RSBN1: variants seen among roughly 807,000 people sequenced by gnomAD.
The protein encoded by RSBN1 is lysine-specific demethylase 9.
Under a neutral mutation model 74.8 loss-of-function variants are expected in RSBN1, and 23 were observed. The ratio of observed to expected loss-of-function variants is 0.31; its 90% CI spans 0.22 to 0.44. The LOEUF is 0.44. Ranked by LOEUF, RSBN1 falls within the 20% of genes least tolerant of loss-of-function variation. RSBN1 has a pLI of 1.00. For synonymous variants in RSBN1, 407 were observed against 379.6 expected, an observed-to-expected ratio of 1.07 and a Z score of -0.84; for missense variants, 808 against 1,020.9, an observed-to-expected ratio of 0.79 and a Z score of 2.84.
At chr1:113,793,339 C>G (rs1314740415) in intron 2 of RSBN1, among the ~76,000 whole-genome samples, 1 of 152,206 alleles carries the variant, frequency 6.6e-6, no homozygotes, top group East Asian at 1.9e-4. Context: ...TAATCTTGAT[C>G]ATGTCTCCAA....
In RSBN1 at chr1:113,766,448, T is replaced by C. The variant is rs1659782755; in HGVS notation, c.1941A>G (p.Val647=). The C allele has an allele frequency of 1.3e-6, 2 of 1,595,518 alleles. No homozygotes were observed. Among genetic ancestry groups the C allele is most frequent in the Non-Finnish European group, 1.7e-6 (2 of 1,167,156 alleles). ...TTAGTTTAGCTTCATCTACCCACTG[T>C]ACGCACTGAAGAAAGAAAAAAGTTA... is the stretch of plus-strand genomic sequence containing the variant. ...DLHEPPVSQC[V]QWVDEAKLNQ... The change falls in exon 7 of 7, where the codon GTA becomes GTG. Residue 647 remains valine, a synonymous_variant. Coordinates refer to ENST00000261441, the MANE Select transcript of RSBN1 (RefSeq NM_018364.5).
chr1:113,774,210 C>T (rs1409033363), intron 4 of RSBN1, among the ~76,000 whole-genome samples: 1 of 152,076 alleles, frequency 6.6e-6, no homozygotes, highest in Non-Finnish European at 1.5e-5. Context: ...AACGTGACAT[C>T]ACGCAATGTG....
At chr1:113,775,738 T>C (rs984402697) in intron 4 of RSBN1, among the ~76,000 whole-genome samples, 4 of 152,202 alleles carry the variant, frequency 2.6e-5, no homozygotes, top group East Asian at 1.9e-4. Flanking sequence ...AAAATGTATA[T>C]AGTATTTAAC....
At position 113,763,930 on chromosome 1, in the gene RSBN1, C is replaced by T. The variant is rs1297017313; in HGVS notation, c.*2050G>A. The T allele has an allele frequency of 1.3e-5, 2 of 150,796 alleles. No homozygotes were observed. Among genetic ancestry groups the T allele is most frequent in the Non-Finnish European group, 3.0e-5 (2 of 67,598 alleles). 9.3% of individuals were successfully genotyped at this position (150,796 alleles called of 1,614,324 possible). A position where few individuals can be genotyped will look rare whatever the true frequency, so the allele number is the denominator to read the frequency against. On this transcript the variant is annotated 3_prime_UTR_variant, in exon 7 of 7. Coordinates refer to ENST00000261441, the MANE Select transcript of RSBN1 (RefSeq NM_018364.5). ...GATGGGGAAATCGGATCTTGGAAGA[C>T]AAGAAAAAATTAAAAAAAAAAAATT...
chr1:113,800,675 G>A (rs1221918933), intron 1 of RSBN1, among the ~76,000 whole-genome samples: 1 of 152,030 alleles, frequency 6.6e-6, no homozygotes, highest in African/African-American at 2.4e-5. Flanking sequence ...ACTGAAATTA[G>A]CACCAAGAAA....
Position 113,812,303 on chromosome 1 carries a change from G to GCC in RSBN1, c.108_109dup (p.Ala37GlyfsTer23). 6.2e-7 allele frequency: 1 copy of GCC among 1,603,778 alleles called. No individual in the cohort carries two copies. Among genetic ancestry groups the GCC allele is most frequent in the Non-Finnish European group, 8.5e-7 (1 of 1,179,654 alleles). On this transcript the variant is annotated frameshift_variant, in exon 1 of 7. Transcript: ENST00000261441. LOFTEE classifies it high-confidence loss of function. ...AAACACACATTTAAATGGCCCGACC[G>GCC]CCCCCCCGTCCGCGCATCGCGCAAG...
chr1:113,788,267 A>AG (rs899138212), intron 2 of RSBN1, among the ~76,000 whole-genome samples: 1 of 152,040 alleles, frequency 6.6e-6, no homozygotes, highest in African/African-American at 2.4e-5. Context: ...TAAAAGTTTC[A>AG]GAAAAAAACG....
chr1:113,769,820 A>G (rs1482524133), intron 4 of RSBN1, among the ~76,000 whole-genome samples: 1 of 152,176 alleles, frequency 6.6e-6, no homozygotes, highest in Non-Finnish European at 1.5e-5. Flanking sequence ...CAGGCATAAT[A>G]ATGATGAACA....
chr1:113,809,843 T>G (rs201144384), intron 1 of RSBN1, among the ~76,000 whole-genome samples: 2 of 152,318 alleles, frequency 1.3e-5, no homozygotes, highest in East Asian at 3.9e-4. Flanking sequence ...TCCTCAATCA[T>G]GCCACATTTC....
At position 113,762,382 on chromosome 1, in the gene RSBN1, C is replaced by T. The variant is rs773686553; in HGVS notation, c.*3598G>A. The T allele has an allele frequency of 2.2e-4, 34 of 152,518 alleles. No individual in the cohort carries two copies. The highest frequency in any genetic ancestry group is 3.7e-4 in the Non-Finnish European group (25 of 68,010). 9.4% of individuals were successfully genotyped at this position (152,518 alleles called of 1,614,324 possible). A position where few individuals can be genotyped will look rare whatever the true frequency, so the allele number is the denominator to read the frequency against. On this transcript the variant is annotated 3_prime_UTR_variant, in exon 7 of 7. Transcript: ENST00000261441. Reference sequence around the variant, plus strand: ...CTTTTAAAGCAACAAACTTTCAAGACAAGGATAGGTCCCTTACGTGCTAAA... The same window carrying T: ...CTTTTAAAGCAACAAACTTTCAAGATAAGGATAGGTCCCTTACGTGCTAAA...
chr1:113,804,090 C>T (rs1264197301), intron 1 of RSBN1, among the ~76,000 whole-genome samples: 1 of 151,984 alleles, frequency 6.6e-6, no homozygotes, highest in Non-Finnish European at 1.5e-5. Flanking sequence ...AATCACTTCA[C>T]TACACTCCAG....
intron 2 of RSBN1, 63 bp from the exon 3 acceptor site, chr1:113,777,871 A>G: frequency 7.2e-7 from 1 of 1,385,246 alleles, no homozygotes; most frequent in Non-Finnish European, 9.6e-7. Context: ...TTAAAGAATT[A>G]AAATAGGTTA....
intron 2 of RSBN1, among the ~76,000 whole-genome samples, chr1:113,788,895 G>C (rs901661107): frequency 4.8e-5 from 7 of 146,952 alleles, no homozygotes; most frequent in Non-Finnish European, 1.0e-4. Context: ...CCCAAAAAAA[G>C]ACATTTACAC....
chr1:113,797,301 G>A, intron 2 of RSBN1, 62 bp downstream of exon 2: 1 of 1,348,720 alleles, frequency 7.4e-7, no homozygotes, highest in Non-Finnish European at 1.0e-6. Context: ...CTGTGCGACA[G>A]AAAGAGGTTA....
intron 2 of RSBN1, among the ~76,000 whole-genome samples, chr1:113,779,433 TCCC>T (rs1365183822): frequency 6.6e-6 from 1 of 151,962 alleles, no homozygotes. Context: ...TTACAAATCC[TCCC>T]CCCAAGATCA....
At chr1:113,780,173 T>C (rs1220458155) in intron 2 of RSBN1, among the ~76,000 whole-genome samples, 1 of 152,230 alleles carries the variant, frequency 6.6e-6, no homozygotes, top group East Asian at 1.9e-4. Flanking sequence ...TAAAATCTTT[T>C]TCCCAGCCAG....
rs1357323467 is a variant in RSBN1 at position 113,797,531 on chromosome 1, A to G, written c.1209T>C (p.Asn403=). Residue 403 remains asparagine, a synonymous_variant, in exon 2 of 7, where the codon AAT becomes AAC. Transcript: ENST00000261441. The part of the protein sequence containing the change: ...EEFLALTFSE[N]EKNAAYYALA... ...AAGCATAGTAAGCAGCATTTTTCTC[A>G]TTTTCACTGAATGTCAAAGCAAGAA... The G allele has an allele frequency of 6.2e-7, 1 of 1,613,396 alleles. No individual in the cohort carries two copies. Among genetic ancestry groups the G allele is most frequent in the Non-Finnish European group, 8.5e-7 (1 of 1,179,642 alleles).
At chr1:113,810,174 A>G (rs1468866891) in intron 1 of RSBN1, among the ~76,000 whole-genome samples, 1 of 152,204 alleles carries the variant, frequency 6.6e-6, no homozygotes, top group Non-Finnish European at 1.5e-5. Flanking sequence ...CTGGAGATGA[A>G]GCTTGAAGCA....
intron 4 of RSBN1, among the ~76,000 whole-genome samples, chr1:113,772,507 A>T (rs994513582): frequency 6.6e-6 from 1 of 152,102 alleles, no homozygotes; most frequent in Non-Finnish European, 1.5e-5. Context: ...AGGATTTTCC[A>T]TTGTAAGTCT....
Sources: gnomAD v4.1 joint callset for allele counts (sites outside exome capture counted in the v4.1 genomes callset) on GRCh38, gnomAD v4.1.1 for gene constraint, MANE v1.5 for transcripts, NCBI Gene and HGNC (gene_info 2026-07-23, HGNC 2026-07-21) for gene names.